Variants in RPS19 observed in about 807,000 individuals in gnomAD.
The protein encoded by RPS19 is ribosomal protein S19, also known as small ribosomal subunit protein eS19.
A neutral mutation model predicts 20.3 loss-of-function variants in RPS19; 1 was observed. The observed-to-expected ratio is 0.05, with a 90% CI of 0.02 to 0.23. The LOEUF (loss-of-function observed/expected upper bound fraction) is 0.23. Ranked by LOEUF, RPS19 falls within the 10% of genes least tolerant of loss-of-function variation. The pLI, the probability that RPS19 is intolerant of heterozygous loss-of-function variation, is 1.00. For synonymous variants in RPS19, 87 were observed against 74.8 expected (o/e 1.16, Z -0.84); for missense variants, 111 against 192.7 (o/e 0.58, Z 2.51).
intron 1 of RPS19, 23 bp from the exon 2 acceptor site, chr19:41,860,751 CA>C: frequency 6.3e-7 from 1 of 1,591,194 alleles, no homozygotes; most frequent in Admixed American, 1.7e-5. Flanking sequence ...GGCCTGTGTT[CA>C]CATGCTTGAC....
intron 3 of RPS19, among the ~76,000 whole-genome samples, chr19:41,865,472 C>T (rs1321719855): frequency 2.0e-5 from 3 of 152,082 alleles, no homozygotes; most frequent in Middle Eastern, 3.2e-3. Flanking sequence ...GCACAAACCA[C>T]CTGGAGGATA....
In RPS19 at chr19:41,871,585, T is replaced by C. The variant is rs894586430; in HGVS notation, c.*208T>C. ...GTGTGAGCCACTGTGCCTGGTCTGG[T>C]TTGGGTCTCTTGATTGTTCTTCAGG... On this transcript the variant is annotated 3_prime_UTR_variant, in exon 6 of 6. Coordinates refer to ENST00000598742, the MANE Select transcript of RPS19 (RefSeq NM_001022.4). The C allele has an allele frequency of 3.6e-6, 2 of 562,580 alleles. No individual in the cohort carries two copies. Among genetic ancestry groups the C allele is most frequent in the Non-Finnish European group, 6.4e-6 (2 of 313,928 alleles). The allele number at this position is 562,580 out of a possible 1,614,324, so 34.8% of individuals were successfully genotyped here.
intron 3 of RPS19, chr19:41,864,381 G>A (rs1555839991): frequency 6.6e-6 from 1 of 152,332 alleles, no homozygotes; most frequent in African/African-American, 2.4e-5. Context: ...GTTAAGGGAT[G>A]AATCAAGGTC....
intron 3 of RPS19, among the ~76,000 whole-genome samples, chr19:41,865,748 A>G (rs1372480683): frequency 1.3e-5 from 2 of 151,034 alleles, no homozygotes; most frequent in African/African-American, 4.9e-5. Flanking sequence ...AGAGATCGAG[A>G]CCATCCTGGC....
chr19:41,861,682 T>G, intron 3 of RPS19: 1 of 219,282 alleles, frequency 4.6e-6, no homozygotes, highest in Non-Finnish European at 9.4e-6. Flanking sequence ...ACGTGTCTGT[T>G]GCACAGTAGT....
intron 3 of RPS19, among the ~76,000 whole-genome samples, chr19:41,862,635 AT>A (rs35133385): frequency 0.44 from 63,243 of 144,526 alleles, 15,100 homozygotes; most frequent in Middle Eastern, 0.68. Flanking sequence ...TGTCTTGTAC[AT>A]TTTTTTTTTT....
chr19:41,861,614 A>G (rs1284941297), intron 3 of RPS19: 13 of 336,544 alleles, frequency 3.9e-5, no homozygotes, highest in Non-Finnish European at 7.0e-5. Flanking sequence ...GGGACTAATT[A>G]TTGTACCAGT....
chr19:41,862,594 A>G (rs543357635), intron 3 of RPS19, among the ~76,000 whole-genome samples: 22 of 151,620 alleles, frequency 1.5e-4, no homozygotes, highest in Non-Finnish European at 2.4e-4. Context: ...CGTTCTGCAC[A>G]TACCAAATAC....
intron 3 of RPS19, among the ~76,000 whole-genome samples, chr19:41,863,709 G>A (rs2074056187): frequency 6.6e-6 from 1 of 152,108 alleles, no homozygotes; most frequent in Non-Finnish European, 1.5e-5. Context: ...GGAGTAAGCA[G>A]TCCCAAGGCA....
At chr19:41,871,035 A>G (rs1465449347) in intron 5 of RPS19, among the ~76,000 whole-genome samples, 3 of 150,900 alleles carry the variant, frequency 2.0e-5, no homozygotes, top group Non-Finnish European at 4.4e-5. Flanking sequence ...GCTAGTTTTT[A>G]TATTTTTAGT....
At chr19:41,861,005 C>G in intron 2 of RPS19, 107 bp from the exon 3 acceptor site, 1 of 1,123,444 alleles carries the variant, frequency 8.9e-7, no homozygotes, top group Non-Finnish European at 1.4e-6. Flanking sequence ...TCCAGCCTCT[C>G]TTTGTACTCT....
intron 3 of RPS19, among the ~76,000 whole-genome samples, chr19:41,861,832 C>A (rs1177244177): frequency 1.3e-5 from 2 of 152,198 alleles, no homozygotes; most frequent in African/African-American, 2.4e-5. Flanking sequence ...GACTTCTGAT[C>A]TTATGGACAC....
At chr19:41,861,396 C>T (rs2074030705) in intron 3 of RPS19, 184 bp downstream of exon 3, 3 of 622,908 alleles carry the variant, frequency 4.8e-6, no homozygotes, top group African/African-American at 1.8e-5. Context: ...TTATGACATT[C>T]TAAGAGCTTT....
chr19:41,866,367 TACAGGGCCCAGA>T (rs1555840516), intron 3 of RPS19, among the ~76,000 whole-genome samples: 1 of 152,198 alleles, frequency 6.6e-6, no homozygotes, highest in Non-Finnish European at 1.5e-5. Context: ...CACAACCAGC[TACAGGGCCCAGA>T]GGGATGGCAG....
Position 41,869,679 on chromosome 19 carries a change from T to C in RPS19, c.357-20T>C, listed in dbSNP as rs1188658737. Reference sequence around the variant, plus strand: ...GGACCTGTGCTCACTGGGGCCTGCATGACCCTTCCCTCCCCACAGCGGCCG... The same window carrying C: ...GGACCTGTGCTCACTGGGGCCTGCACGACCCTTCCCTCCCCACAGCGGCCG... On this transcript the variant is annotated intron_variant, in intron 4 of 5. Coordinates refer to ENST00000598742, the MANE Select transcript of RPS19 (RefSeq NM_001022.4). 3 of 1,613,476 alleles carry C rather than the reference T, an allele frequency of 1.9e-6. No homozygotes were observed. In the South Asian group the frequency reaches 3.3e-5, roughly 18 times the overall value.
Position 41,867,854 on chromosome 19 carries a change from A to G in RPS19, c.173-1177A>G, listed in dbSNP as rs2074106224. On this transcript the variant is annotated intron_variant, in intron 3 of 5. Transcript: ENST00000598742. ...CACTAATACGGTGTAAATAATTGTTACACTGTTTTGAATTGTAGTTTTTTT... is the reference window on the plus strand; with the variant it reads ...CACTAATACGGTGTAAATAATTGTTGCACTGTTTTGAATTGTAGTTTTTTT... Among the ~76,000 whole-genome samples, 3 of 152,194 alleles carry G rather than the reference A, an allele frequency of 2.0e-5. 1 individual carries two copies. In the South Asian group the frequency reaches 6.2e-4, roughly 31 times the overall value.
chr19:41,867,121 G>C (rs1749585074), intron 3 of RPS19, among the ~76,000 whole-genome samples: 1 of 151,852 alleles, frequency 6.6e-6, no homozygotes, highest in Non-Finnish European at 1.5e-5. Flanking sequence ...AGTTCAGCCA[G>C]AGCAACATGG....
At chr19:41,865,881 G>A (rs374356000) in intron 3 of RPS19, among the ~76,000 whole-genome samples, 27 of 149,084 alleles carry the variant, frequency 1.8e-4, no homozygotes, top group East Asian at 1.6e-3. Context: ...CCCGGGAGGC[G>A]GAGCTTGCAG....
At chr19:41,863,375 C>CA (rs2074052635) in intron 3 of RPS19, among the ~76,000 whole-genome samples, 1 of 152,116 alleles carries the variant, frequency 6.6e-6, no homozygotes, top group African/African-American at 2.4e-5. Context: ...CTTGTTTTAC[C>CA]AAAGAGGAAG....
Sources: allele counts gnomAD v4.1 joint callset (sites outside exome capture counted in the v4.1 genomes callset), GRCh38; gene constraint gnomAD v4.1.1; transcripts MANE v1.5; gene names NCBI Gene and HGNC (gene_info 2026-07-23, HGNC 2026-07-21).